Variants in PHF19 observed in about 807,000 individuals in gnomAD.
The protein encoded by PHF19 is polycomb like 3.
In PHF19, 21 loss-of-function variants were observed where a neutral mutation model predicts 79.8. That is an observed-to-expected ratio of 0.26 (90% CI 0.19 to 0.38). The LOEUF is 0.38. Among genes scored for constraint, PHF19 ranks in the 10% least tolerant of loss-of-function variants. The pLI is 1.00. For missense variants in PHF19, 445 were observed against 744.2 expected, an observed-to-expected ratio of 0.60 and a Z score of 4.68; for synonymous variants, 273 against 296.3, an observed-to-expected ratio of 0.92 and a Z score of 0.81.
chr9:120,878,055 C>A (rs555292817), upstream of PHF19, among the ~76,000 whole-genome samples: 1 of 152,254 alleles, frequency 6.6e-6, no homozygotes, highest in South Asian at 2.1e-4. Flanking sequence ...GGAGGGAATT[C>A]AGTGGGCTAA....
rs2045988168 is a variant in PHF19, at chr9:120,874,428, G to C, written c.186+128C>G. On this transcript the variant is annotated intron_variant, in intron 2 of 14. Coordinates refer to ENST00000373896, the MANE Select transcript of PHF19 (RefSeq NM_015651.3). This position sits in a 1 kb window ranked among gnomAD's most constrained non-coding sequence, Gnocchi z 4.5. ...CAGGCTCTGGCCCCTCCCACCACCA[G>C]CTTTGGGCATGAGGGACAAGAAGGG... The C allele has an allele frequency of 1.5e-6, 1 of 658,030 alleles. No homozygotes were observed. The highest frequency in any genetic ancestry group is 2.8e-5 in the Admixed American group (1 of 36,244). The allele number at this position is 658,030 out of a possible 1,614,324, so 40.8% of individuals were successfully genotyped here.
intron 1 of PHF19, among the ~76,000 whole-genome samples, chr9:120,883,205 C>G (rs1203272770): frequency 6.6e-6 from 1 of 152,144 alleles, no homozygotes; most frequent in Non-Finnish European, 1.5e-5. Context: ...CTCTGTGAAC[C>G]CAGGGGGTGT....
chr9:120,880,780 C>T (rs964460278), upstream of PHF19, among the ~76,000 whole-genome samples: 5 of 151,442 alleles, frequency 3.3e-5, no homozygotes, highest in Non-Finnish European at 1.5e-5. Context: ...GGCAACATGG[C>T]GAAACCCTAT....
At position 120,891,706 on chromosome 9, in the gene PHF19, G is replaced by A. The variant is rs1288777025; in HGVS notation, c.42+3082C>T. On this transcript the variant is annotated intron_variant, in intron 1 of 14. Coordinates refer to the PHF19 transcript ENST00000616568. The surrounding 1 kb of genome is among the most constrained non-coding windows in gnomAD (Gnocchi z 4.3). ...AAGAAAACTAGTCATCTGTTTATCT[G>A]AGTCAGTAGCATTGAGCAGCTGTAT... is the stretch of plus-strand genomic sequence containing the variant. 6.6e-6 allele frequency among the ~76,000 whole-genome samples: 1 copy of A among 152,136 alleles called. No individual in the cohort carries two copies. Among genetic ancestry groups the A allele is most frequent in the East Asian group, 1.9e-4 (1 of 5,200 alleles).
At chr9:120,904,094 G>C in the PHF19 span, 1 of 152,284 alleles carries the variant, frequency 6.6e-6, no homozygotes, top group Non-Finnish European at 1.5e-5. Flanking sequence ...AAGCACCAAA[G>C]GTGGGGCCTC....
chr9:120,882,375 G>A (rs1470481689), intron 1 of PHF19, among the ~76,000 whole-genome samples: 1 of 152,134 alleles, frequency 6.6e-6, no homozygotes, highest in African/African-American at 2.4e-5. Context: ...AAAGCACGAG[G>A]AAGAAAATAA....
At chr9:120,877,268 C>A (rs1435988978), upstream of PHF19, 1 of 802,264 alleles carries the variant, frequency 1.2e-6, no homozygotes, top group Admixed American at 6.4e-5. Flanking sequence ...GGGGAGGCGG[C>A]GGAGGGAGGG....
intron 12 of PHF19, 79 bp downstream of exon 12, chr9:120,861,839 C>T: frequency 2.0e-6 from 2 of 978,380 alleles, no homozygotes; most frequent in South Asian, 1.3e-5. Flanking sequence ...GCCTGGGGGA[C>T]TTAGTTTTCG....
upstream of PHF19, among the ~76,000 whole-genome samples, chr9:120,880,702 T>C (rs758732881): frequency 6.6e-6 from 1 of 152,308 alleles, no homozygotes; most frequent in South Asian, 2.1e-4. Flanking sequence ...GGCTCAAGTC[T>C]GTATTCCAGC....
At chr9:120,875,111 A>G (rs1421042279) in intron 1 of PHF19, among the ~76,000 whole-genome samples, 1 of 152,196 alleles carries the variant, frequency 6.6e-6, no homozygotes, top group Non-Finnish European at 1.5e-5. Context: ...TTCCTTAAGC[A>G]AACACAGTCC....
intron 1 of PHF19, among the ~76,000 whole-genome samples, chr9:120,884,415 A>G (rs2046234784): frequency 1.3e-5 from 1 of 78,986 alleles, no homozygotes; most frequent in African/African-American, 5.7e-5. Flanking sequence ...GAAAGAGGAA[A>G]TGTATGAGAT....
At chr9:120,895,582 T>G (rs778716090), upstream of PHF19, among the ~76,000 whole-genome samples, 8 of 152,074 alleles carry the variant, frequency 5.3e-5, no homozygotes, top group Non-Finnish European at 8.8e-5. Flanking sequence ...CCCAGGGTTT[T>G]GAGCTTTAAA....
chr9:120,881,278 G>A (rs55840401), upstream of PHF19, among the ~76,000 whole-genome samples: 8,940 of 151,554 alleles, frequency 0.059, 334 homozygotes, highest in Non-Finnish European at 0.073. Flanking sequence ...CTCCCGAGTA[G>A]CTGGGACTAC....
chr9:120,870,586 G>T lies in PHF19; in HGVS notation c.269-48C>A, dbSNP rs145522849. The T allele has an allele frequency of 1.8e-6, 2 of 1,098,492 alleles. No individual in the cohort carries two copies. Among genetic ancestry groups the T allele is most frequent in the Non-Finnish European group, 2.8e-6 (2 of 709,978 alleles). The allele number at this position is 1,098,492 out of a possible 1,614,324, so 68.0% of individuals were successfully genotyped here. A position where few individuals can be genotyped will look rare whatever the true frequency, so the allele number is the denominator to read the frequency against. On this transcript the variant is annotated intron_variant, in intron 3 of 14. Transcript: ENST00000373896. This position sits in a 1 kb window ranked among gnomAD's most constrained non-coding sequence, Gnocchi z 4.4. ...TCGGGTCCAGCTCACAGGAATGGAA[G>T]TTTTATACTCACATTCCAGATGCCC...
chr9:120,884,724 A>G (rs773143389), intron 1 of PHF19, among the ~76,000 whole-genome samples: 1 of 150,398 alleles, frequency 6.6e-6, no homozygotes. Flanking sequence ...CCTGGCCAAC[A>G]TGGTGAAACC....
chr9:120,872,781 C>T (rs570503603), intron 3 of PHF19, among the ~76,000 whole-genome samples: 40 of 151,608 alleles, frequency 2.6e-4, no homozygotes, highest in African/African-American at 8.7e-4. Context: ...CTGCCTCAGC[C>T]TCCCGGGTAG....
In PHF19 at chr9:120,869,999, C is replaced by A; in HGVS notation, c.365-54G>T. The A allele has an allele frequency of 1.3e-6, 2 of 1,537,642 alleles. No homozygotes were observed. Among genetic ancestry groups the A allele is most frequent in the Non-Finnish European group, 1.8e-6 (2 of 1,140,404 alleles). ...CCACAAGGACATCGTGGCCCAAGGC[C>A]AGTTGGCCCAAAGGAGGCAGGGCTG... On this transcript the variant is annotated intron_variant, in intron 4 of 14. Transcript: ENST00000373896. This position sits in a 1 kb window ranked among gnomAD's most constrained non-coding sequence, Gnocchi z 5.8.
rs1299999947 is a variant in PHF19, at chr9:120,869,050, G to A, written c.614+132C>T. ...CCCCTCGAGGCCCCGCCCCCACAGC[G>A]CAACACACTGGGCCCGCCCTCAAGG... On this transcript the variant is annotated intron_variant, in intron 6 of 14. Coordinates refer to ENST00000373896, the MANE Select transcript of PHF19 (RefSeq NM_015651.3). The surrounding 1 kb of genome is among the most constrained non-coding windows in gnomAD (Gnocchi z 5.8). 12 of 720,346 alleles carry A rather than the reference G, an allele frequency of 1.7e-5. No homozygotes were observed. In the Admixed American group the frequency reaches 2.1e-4, roughly 13 times the overall value. The allele number at this position is 720,346 out of a possible 1,614,324, so 44.6% of individuals were successfully genotyped here.
chr9:120,865,648 A>C (rs1471768464), intron 9 of PHF19, 62 bp downstream of exon 9: 2 of 1,600,998 alleles, frequency 1.2e-6, no homozygotes, highest in African/African-American at 1.3e-5. Context: ...CTAGTCCTGC[A>C]CTGCGTGGCC....
Sources: gnomAD v4.1 joint callset for allele counts (sites outside exome capture counted in the v4.1 genomes callset) on GRCh38, gnomAD v4.1.1 for gene constraint, Gnocchi (gnomAD v3.1) non-coding constraint, MANE v1.5 for transcripts, NCBI Gene and HGNC (gene_info 2026-07-23, HGNC 2026-07-21) for gene names.